Variants in AGBL1 observed in about 807,000 individuals in gnomAD.
AGBL1 encodes cytosolic carboxypeptidase 4.
Under a neutral mutation model 118.9 loss-of-function variants are expected in AGBL1, and 130 were observed. That is an observed-to-expected ratio of 1.09 (90% CI 0.95 to 1.26). The LOEUF is 1.26. AGBL1 is among the 50% of genes most tolerant of loss of function. The probability of loss-of-function intolerance (pLI) is 0.00; values close to 1 mark genes in which losing one functional copy is unlikely to be tolerated. For missense variants in AGBL1, 1,584 were observed against 1,298.1 expected, an observed-to-expected ratio of 1.22 and a Z score of -3.38; for synonymous variants, 555 against 478.9, an observed-to-expected ratio of 1.16 and a Z score of -2.08.
chr15:86,788,354 T>G (rs2141324132), intron 22 of AGBL1, among the ~76,000 whole-genome samples: 1 of 152,222 alleles, frequency 6.6e-6, no homozygotes, highest in East Asian at 1.9e-4. Flanking sequence ...TTGCTAGTAT[T>G]ATACACATGA....
intron 17 of AGBL1, among the ~76,000 whole-genome samples, chr15:86,307,552 A>G (rs1328861654): frequency 1.3e-5 from 2 of 152,246 alleles, no homozygotes; most frequent in Admixed American, 1.3e-4. Flanking sequence ...CCTAGGGAAT[A>G]AAAGTGATGT....
At chr15:86,510,609 T>C (rs1054940726) in intron 18 of AGBL1, among the ~76,000 whole-genome samples, 1 of 152,116 alleles carries the variant, frequency 6.6e-6, no homozygotes, top group Non-Finnish European at 1.5e-5. Context: ...TTAATGTTAA[T>C]GATTTGGAAC....
At chr15:86,718,956 AG>A (rs1285654719) in intron 22 of AGBL1, among the ~76,000 whole-genome samples, 1 of 152,102 alleles carries the variant, frequency 6.6e-6, no homozygotes, top group African/African-American at 2.4e-5. Flanking sequence ...TACTGCTAAA[AG>A]TTTTGGCTTC....
chr15:86,254,305 A>C (rs760200049), intron 7 of AGBL1, among the ~76,000 whole-genome samples: 3 of 152,126 alleles, frequency 2.0e-5, no homozygotes, highest in Non-Finnish European at 4.4e-5. Flanking sequence ...ATTAGGAGAG[A>C]GGTTGTGTTA....
intron 21 of AGBL1, among the ~76,000 whole-genome samples, chr15:86,623,827 A>C (rs1418666531): frequency 2.0e-5 from 3 of 152,208 alleles, no homozygotes; most frequent in African/African-American, 7.2e-5. Flanking sequence ...CAGTGCATAC[A>C]CTTCTGTGGA....
chr15:86,728,367 A>G (rs1161012889), intron 22 of AGBL1, among the ~76,000 whole-genome samples: 5 of 152,336 alleles, frequency 3.3e-5, no homozygotes, highest in Non-Finnish European at 7.3e-5. Flanking sequence ...CTGAGCTTCT[A>G]AAGAAATTCT....
At chr15:86,737,273 C>T (rs2077616079) in intron 22 of AGBL1, among the ~76,000 whole-genome samples, 1 of 151,956 alleles carries the variant, frequency 6.6e-6, no homozygotes, top group South Asian at 2.1e-4. Flanking sequence ...CTGAGCTGGG[C>T]CTGATCAGGT....
chr15:86,717,722 C>T (rs374231573), intron 22 of AGBL1, among the ~76,000 whole-genome samples: 37 of 152,208 alleles, frequency 2.4e-4, no homozygotes, highest in African/African-American at 8.7e-4. Flanking sequence ...CCATTGATAC[C>T]TCCCAGAAAA....
intron 18 of AGBL1, among the ~76,000 whole-genome samples, chr15:86,456,770 G>A (rs1228722632): frequency 6.6e-6 from 1 of 152,130 alleles, no homozygotes; most frequent in Non-Finnish European, 1.5e-5. Context: ...TTTTAAGAAA[G>A]GAATTGTGAT....
intron 21 of AGBL1, among the ~76,000 whole-genome samples, chr15:86,632,959 C>T (rs2085001151): frequency 6.6e-6 from 1 of 152,060 alleles, no homozygotes; most frequent in African/African-American, 2.4e-5. Flanking sequence ...TACAAAAACA[C>T]AAAAGCAATA....
At chr15:86,697,225 G>A (rs937109573) in intron 22 of AGBL1, among the ~76,000 whole-genome samples, 1 of 151,698 alleles carries the variant, frequency 6.6e-6, no homozygotes, top group Non-Finnish European at 1.5e-5. Context: ...TCTTCTTCAG[G>A]AATGCCAGTT....
chr15:86,155,336 G>C (rs1371523683), intron 4 of AGBL1, among the ~76,000 whole-genome samples: 1 of 152,136 alleles, frequency 6.6e-6, no homozygotes, highest in Non-Finnish European at 1.5e-5. Context: ...TATAGTCCCA[G>C]CTACTTGGAA....
chr15:86,558,426 T>A (rs996493182), intron 21 of AGBL1, among the ~76,000 whole-genome samples: 3 of 152,150 alleles, frequency 2.0e-5, no homozygotes, highest in Non-Finnish European at 4.4e-5. Flanking sequence ...GCTCTAGATA[T>A]CCCTATAGGA....
At chr15:86,889,874 GT>G (rs1396835650) in intron 22 of AGBL1, among the ~76,000 whole-genome samples, 1 of 152,114 alleles carries the variant, frequency 6.6e-6, no homozygotes, top group Non-Finnish European at 1.5e-5. Context: ...ATGTATCTTT[GT>G]AATAGAATGA....
chr15:86,852,142 C>A (rs1334165389), intron 22 of AGBL1, among the ~76,000 whole-genome samples: 1 of 152,024 alleles, frequency 6.6e-6, no homozygotes, highest in African/African-American at 2.4e-5. Flanking sequence ...CTCACAGTTC[C>A]GCATGGCTGG....
intron 22 of AGBL1, among the ~76,000 whole-genome samples, chr15:86,749,588 C>T (rs1193580985): frequency 6.6e-6 from 1 of 152,100 alleles, no homozygotes; most frequent in Non-Finnish European, 1.5e-5. Context: ...TGTCTTGTGC[C>T]AGTTTACAAA....
intron 5 of AGBL1, among the ~76,000 whole-genome samples, chr15:86,186,346 C>T (rs865979260): frequency 2.0e-5 from 3 of 152,190 alleles, no homozygotes; most frequent in Non-Finnish European, 2.9e-5. Flanking sequence ...GCATATCTTG[C>T]ACATGTATCC....
At chr15:86,578,892 T>G (rs2084135594) in intron 21 of AGBL1, among the ~76,000 whole-genome samples, 1 of 152,188 alleles carries the variant, frequency 6.6e-6, no homozygotes. Flanking sequence ...TATGTCTTTA[T>G]CAGCAGCATG....
rs1428985607 is a variant in AGBL1, at chr15:86,522,922, A to G, written c.2668A>G (p.Ile890Val). The G allele has an allele frequency of 1.9e-6, 3 of 1,613,874 alleles. No individual in the cohort carries two copies. In the African/African-American group the frequency reaches 4.0e-5, roughly 22 times the overall value. Reference sequence around the variant, plus strand: ...AGGCCTCCTCTACCACCTGAGCAGCATTGGCCGAAGTCCCGTGGTGAGTCA... The same window carrying G: ...AGGCCTCCTCTACCACCTGAGCAGCGTTGGCCGAAGTCCCGTGGTGAGTCA... ...AKGLLYHLSS[I>V]GRSPVVFCDF... Residue 890 changes from isoleucine to valine, a missense_variant, in exon 19 of 23, where the codon ATT becomes GTT. Transcript: ENST00000614907.
Sources: gnomAD v4.1 joint callset for allele counts (sites outside exome capture counted in the v4.1 genomes callset) on GRCh38, gnomAD v4.1.1 for gene constraint, MANE v1.5 for transcripts, NCBI Gene and HGNC (gene_info 2026-07-23, HGNC 2026-07-21) for gene names.